The following RBFOX1 variants were observed in gnomAD, a reference collection of about 807,000 sequenced individuals.
The protein encoded by RBFOX1 is RNA binding protein fox-1 homolog 1.
In RBFOX1, 8 loss-of-function variants were observed where a neutral mutation model predicts 57.7. That is an observed-to-expected ratio of 0.14 (90% CI 0.08 to 0.25). The LOEUF is 0.25. Among genes scored for constraint, RBFOX1 ranks in the 10% least tolerant of loss-of-function variants. RBFOX1 has a pLI of 1.00. For missense variants in RBFOX1, 611 were observed against 548.5 expected (o/e 1.11, Z -1.14); for synonymous variants, 326 against 222.4 (o/e 1.47, Z -4.15).
At chr16:6,550,269 C>A (rs60829332) in intron 2 of RBFOX1, among the ~76,000 whole-genome samples, 2 of 152,036 alleles carry the variant, frequency 1.3e-5, no homozygotes, top group African/African-American at 4.8e-5. Context: ...CCTCCGCCTC[C>A]CAGGTTCAAC....
chr16:7,623,703 C>T lies in RBFOX1; in HGVS notation c.677-6900C>T, dbSNP rs115166839. Among the ~76,000 whole-genome samples, 1,306 of 152,258 alleles carry T rather than the reference C, an allele frequency of 8.6e-3. 21 individuals carry two copies. The highest frequency in any genetic ancestry group is 0.03 in the African/African-American group (1,228 of 41,548). The stretch of plus-strand genomic sequence containing the variant: ...GGTTGGGGAACCCTGGCTTAAACAA[C>T]AGAAATTTATTTTCTCATAATTCTG... On this transcript the variant is annotated intron_variant, in intron 10 of 15. Coordinates refer to ENST00000550418, the MANE Select transcript of RBFOX1 (RefSeq NM_018723.4).
At chr16:6,333,062 C>T (rs537470264) in intron 2 of RBFOX1, among the ~76,000 whole-genome samples, 14 of 151,774 alleles carry the variant, frequency 9.2e-5, no homozygotes, top group Non-Finnish European at 1.6e-4. Flanking sequence ...TTTTTTGAGA[C>T]AGCATCTTGC....
At chr16:7,441,278 G>A (rs1392894265) in intron 4 of RBFOX1, among the ~76,000 whole-genome samples, 1 of 152,164 alleles carries the variant, frequency 6.6e-6, no homozygotes, top group Admixed American at 6.5e-5. Context: ...CAGCATCAAA[G>A]GCCTTGGCAG....
chr16:6,136,588 C>G (rs2096669098), intron 1 of RBFOX1, among the ~76,000 whole-genome samples: 1 of 152,114 alleles, frequency 6.6e-6, no homozygotes, highest in Non-Finnish European at 1.5e-5. Context: ...CAAGTCTAAA[C>G]TAATTTAATG....
intron 2 of RBFOX1, among the ~76,000 whole-genome samples, chr16:5,568,850 G>T (rs1345388646): frequency 6.6e-6 from 1 of 151,970 alleles, no homozygotes; most frequent in African/African-American, 2.4e-5. Flanking sequence ...TCTTTTTGTT[G>T]TTGTTGTTGA....
intron 3 of RBFOX1, among the ~76,000 whole-genome samples, chr16:6,983,137 C>T (rs2089393017): frequency 6.6e-6 from 1 of 151,972 alleles, no homozygotes; most frequent in African/African-American, 2.4e-5. Flanking sequence ...CTTAGCTGTT[C>T]CATTGACAGC....
chr16:7,257,575 C>T (rs4238873), intron 4 of RBFOX1, among the ~76,000 whole-genome samples: 37,785 of 152,024 alleles, frequency 0.25, 5,354 homozygotes, highest in Middle Eastern at 0.41. Flanking sequence ...CCACCGTTGC[C>T]CACCCTTGCT....
intron 1 of RBFOX1, among the ~76,000 whole-genome samples, chr16:6,069,761 C>T (rs1277952241): frequency 6.6e-6 from 1 of 152,034 alleles, no homozygotes; most frequent in African/African-American, 2.4e-5. Flanking sequence ...CTGAGGTGGG[C>T]AGATCACTTG....
At chr16:7,690,923 A>G (rs2147388534) in intron 14 of RBFOX1, among the ~76,000 whole-genome samples, 1 of 152,224 alleles carries the variant, frequency 6.6e-6, no homozygotes, top group African/African-American at 2.4e-5. Flanking sequence ...CTGACACTGC[A>G]GGCCACCAAA....
chr16:5,806,427 A>G (rs1335131456), intron 3 of RBFOX1, among the ~76,000 whole-genome samples: 1 of 152,172 alleles, frequency 6.6e-6, no homozygotes, highest in East Asian at 1.9e-4. Context: ...AGAGCCAGAA[A>G]GGGAGCCAAA....
intron 10 of RBFOX1, among the ~76,000 whole-genome samples, chr16:7,622,669 G>C (rs1238028242): frequency 6.6e-6 from 1 of 152,084 alleles, no homozygotes; most frequent in African/African-American, 2.4e-5. Flanking sequence ...AAATAAATTG[G>C]AGTGAGGGAT....
intron 4 of RBFOX1, among the ~76,000 whole-genome samples, chr16:7,346,198 G>A (rs562474272): frequency 4.6e-5 from 7 of 152,198 alleles, no homozygotes; most frequent in African/African-American, 1.7e-4. Context: ...TGGTGTATAT[G>A]TGCGACATTT....
intron 4 of RBFOX1, among the ~76,000 whole-genome samples, chr16:7,100,071 G>A (rs1408933190): frequency 6.6e-6 from 1 of 151,656 alleles, no homozygotes; most frequent in African/African-American, 2.4e-5. Context: ...GGTGAGGGTG[G>A]TCACCTTCAA....
At chr16:6,567,101 A>G (rs1164268096) in intron 2 of RBFOX1, among the ~76,000 whole-genome samples, 9 of 152,166 alleles carry the variant, frequency 5.9e-5, no homozygotes, top group African/African-American at 2.2e-4. Context: ...ACTCTATTAA[A>G]TGAGCAGGCT....
chr16:6,297,220 C>A (rs1421279155), intron 1 of RBFOX1, among the ~76,000 whole-genome samples: 1 of 152,084 alleles, frequency 6.6e-6, no homozygotes, highest in Non-Finnish European at 1.5e-5. Flanking sequence ...ATCTTTATGA[C>A]CTGTATCTTG....
chr16:5,518,104 T>A (rs74663133), intron 2 of RBFOX1, among the ~76,000 whole-genome samples: 9 of 152,122 alleles, frequency 5.9e-5, no homozygotes, highest in African/African-American at 1.9e-4. Flanking sequence ...TTGTTGCTGT[T>A]ATGCAGCTGC....
chr16:6,665,171 C>T (rs368863549), intron 3 of RBFOX1, among the ~76,000 whole-genome samples: 36 of 152,278 alleles, frequency 2.4e-4, no homozygotes, highest in African/African-American at 7.0e-4. Context: ...GGAGAAAAGG[C>T]GCTTCTTTTT....
At chr16:6,137,606 A>ATTT (rs57190040) in intron 1 of RBFOX1, among the ~76,000 whole-genome samples, 10 of 98,352 alleles carry the variant, frequency 1.0e-4, no homozygotes, top group Non-Finnish European at 1.7e-4. Flanking sequence ...GCGCCTGGTC[A>ATTT]TTTTTTTTTT....
At chr16:6,612,540 C>T (rs2098076800) in intron 2 of RBFOX1, among the ~76,000 whole-genome samples, 3 of 152,124 alleles carry the variant, frequency 2.0e-5, no homozygotes. Flanking sequence ...TAGAGCCATT[C>T]ATTTCCCAGA....
Sources: gnomAD v4.1 joint callset for allele counts (sites outside exome capture counted in the v4.1 genomes callset) on GRCh38, gnomAD v4.1.1 for gene constraint, MANE v1.5 for transcripts, NCBI Gene and HGNC (gene_info 2026-07-23, HGNC 2026-07-21) for gene names.